Variants in CGGBP1 observed in about 807,000 individuals in gnomAD.
CGGBP1 encodes CGG triplet repeat binding protein 1.
In CGGBP1, 4 loss-of-function variants were observed where a neutral mutation model predicts 11.4. The ratio of observed to expected loss-of-function variants is 0.35; its 90% CI spans 0.17 to 0.80. CGGBP1 has a LOEUF of 0.80. Among genes scored for constraint, CGGBP1 ranks in the 30% least tolerant of loss-of-function variants. The pLI is 0.52. For synonymous variants in CGGBP1, 76 were observed against 74.1 expected, an observed-to-expected ratio of 1.03 and a Z score of -0.13; for missense variants, 135 against 202.1, an observed-to-expected ratio of 0.67 and a Z score of 2.01.
At chr3:88,116,973 A>T (rs1705452262) in intron 2 of CGGBP1, among the ~76,000 whole-genome samples, 1 of 152,220 alleles carries the variant, frequency 6.6e-6, no homozygotes, top group East Asian at 1.9e-4. Flanking sequence ...TTAACTGGAA[A>T]GATAAGACAG....
chr3:88,116,166 C>G (rs1299881968), intron 2 of CGGBP1, among the ~76,000 whole-genome samples: 1 of 152,074 alleles, frequency 6.6e-6, no homozygotes, highest in Non-Finnish European at 1.5e-5. Context: ...AGAAGTGCAT[C>G]AGGCATGCAG....
At chr3:88,067,751 G>A (rs1329321819) in intron 2 of CGGBP1, among the ~76,000 whole-genome samples, 2 of 152,204 alleles carry the variant, frequency 1.3e-5, no homozygotes, top group East Asian at 3.8e-4. Flanking sequence ...GATGGGATCA[G>A]TAGTCAGGTT....
intron 2 of CGGBP1, among the ~76,000 whole-genome samples, chr3:88,091,588 T>A (rs867853822): frequency 6.6e-6 from 1 of 152,224 alleles, no homozygotes; most frequent in South Asian, 2.1e-4. Context: ...CTAGCTGATA[T>A]GGTTTCACTG....
intron 2 of CGGBP1, among the ~76,000 whole-genome samples, chr3:88,083,024 C>CCCTCCTCACT (rs1015715254): frequency 2.0e-5 from 3 of 151,694 alleles, no homozygotes; most frequent in African/African-American, 4.8e-5. Context: ...TCCTCCCTCC[C>CCCTCCTCACT]CCTCCTCACT....
chr3:88,123,214 T>G (rs1241796221), intron 2 of CGGBP1, among the ~76,000 whole-genome samples: 1 of 152,150 alleles, frequency 6.6e-6, no homozygotes, highest in Non-Finnish European at 1.5e-5. Context: ...TTGTTCTTTC[T>G]TCCTTTGTCT....
chr3:88,108,270 A>G (rs1704867612), intron 2 of CGGBP1, among the ~76,000 whole-genome samples: 1 of 152,086 alleles, frequency 6.6e-6, no homozygotes, highest in Non-Finnish European at 1.5e-5. Context: ...CAGTCTAGAA[A>G]TGTGGGGAAG....
chr3:88,140,353 A>T (rs1010566746), intron 2 of CGGBP1: 6 of 1,613,376 alleles, frequency 3.7e-6, no homozygotes, highest in Non-Finnish European at 4.2e-6. Context: ...TCAAATCCTA[A>T]TCAGGAAAAA....
At position 88,131,279 on chromosome 3, in the gene CGGBP1, G is replaced by A. The variant is rs139769338; in HGVS notation, c.-229+9691C>T. 9.9e-5 allele frequency among the ~76,000 whole-genome samples: 15 copies of A among 152,236 alleles called. No individual in the cohort carries two copies. The East Asian group carries it at 1.5e-3, about 16-fold the overall frequency. The stretch of plus-strand genomic sequence containing the variant: ...ATCTTGTGTGACCACTGTTGTATAC[G>A]CAGTCTTCTGTTCACTGAAATGTTG... On this transcript the variant is annotated intron_variant, in intron 2 of 3. Coordinates refer to the CGGBP1 transcript ENST00000462901.
At chr3:88,095,402 C>T (rs372657851) in intron 2 of CGGBP1, 23 of 328,184 alleles carry the variant, frequency 7.0e-5, no homozygotes, top group African/African-American at 4.5e-4. Context: ...CAGGGATCAC[C>T]CCCTTTTAGC....
At chr3:88,140,819 A>C in intron 2 of CGGBP1, 1 of 1,613,690 alleles carries the variant, frequency 6.2e-7, no homozygotes, top group Non-Finnish European at 8.5e-7. Flanking sequence ...ACGTCAGACC[A>C]TTGCCTCCCA....
intron 2 of CGGBP1, among the ~76,000 whole-genome samples, chr3:88,127,703 C>T (rs558661852): frequency 4.1e-4 from 63 of 152,040 alleles, no homozygotes; most frequent in South Asian, 2.1e-4. Flanking sequence ...ACCTGTTGTT[C>T]GTTCGTCTGA....
chr3:88,099,491 G>A (rs1384459511), intron 2 of CGGBP1, among the ~76,000 whole-genome samples: 4 of 152,024 alleles, frequency 2.6e-5, no homozygotes, highest in South Asian at 4.1e-4. Flanking sequence ...AAGCTCATAC[G>A]GAACCAAAAA....
At chr3:88,056,609 G>A (rs1706547940) in intron 3 of CGGBP1, 1 of 151,912 alleles carries the variant, frequency 6.6e-6, no homozygotes, top group African/African-American at 2.4e-5. Flanking sequence ...ACAGTTCAAA[G>A]TTATTTTGTA....
At position 88,055,641 on chromosome 3, in the gene CGGBP1, C is replaced by T. The variant is rs1706524706; in HGVS notation, c.336G>A (p.Leu112=). The T allele has an allele frequency of 6.2e-7, 1 of 1,614,054 alleles. No homozygotes were observed. Among genetic ancestry groups the T allele is most frequent in the Admixed American group, 1.7e-5 (1 of 60,000 alleles). The change falls in exon 4 of 4, where the codon CTG becomes CTA. Residue 112 remains leucine (L), a synonymous_variant. Coordinates refer to ENST00000482016, the MANE Select transcript of CGGBP1 (RefSeq NM_001008390.2). This position sits in a 1 kb window ranked among gnomAD's most constrained non-coding sequence, Gnocchi z 4.2. ...SVIQDFVKMC[L]EANIPLEKAD... is the part of the protein sequence containing the mutation. ...CCTTCTCAAGTGGGATGTTGGCTTC[C>T]AGGCACATTTTCACAAAGTCCTGGA...
intron 2 of CGGBP1, among the ~76,000 whole-genome samples, chr3:88,118,465 A>G (rs1705551909): frequency 6.6e-6 from 1 of 151,914 alleles, no homozygotes; most frequent in Non-Finnish European, 1.5e-5. Flanking sequence ...ATCTCCCCTA[A>G]GAAATGAGTG....
At chr3:88,102,224 A>G (rs1418833511) in intron 2 of CGGBP1, among the ~76,000 whole-genome samples, 1 of 152,030 alleles carries the variant, frequency 6.6e-6, no homozygotes, top group Non-Finnish European at 1.5e-5. Context: ...TGGGCTTACA[A>G]TTTTTGTCAG....
chr3:88,110,568 G>C (rs1159988254), intron 2 of CGGBP1, among the ~76,000 whole-genome samples: 1 of 152,098 alleles, frequency 6.6e-6, no homozygotes, highest in Admixed American at 6.6e-5. Flanking sequence ...GCTCGGGCCA[G>C]ATTTGGCCTG....
At chr3:88,056,765 T>TA (rs1419110238) in intron 3 of CGGBP1, 7 of 152,274 alleles carry the variant, frequency 4.6e-5, no homozygotes, top group East Asian at 1.9e-4. Flanking sequence ...ATCAAGAACA[T>TA]AGAGTCTAGT....
intron 2 of CGGBP1, among the ~76,000 whole-genome samples, chr3:88,106,095 C>G (rs1025265690): frequency 6.6e-6 from 1 of 152,146 alleles, no homozygotes; most frequent in African/African-American, 2.4e-5. Context: ...GATGAGCTGC[C>G]AGAACTGGGA....
Sources: allele counts gnomAD v4.1 joint callset (sites outside exome capture counted in the v4.1 genomes callset), GRCh38; gene constraint gnomAD v4.1.1; non-coding constraint Gnocchi (gnomAD v3.1); transcripts MANE v1.5; gene names NCBI Gene and HGNC (gene_info 2026-07-23, HGNC 2026-07-21).